The following DCC variants were observed in gnomAD, a reference collection of about 807,000 sequenced individuals.
DCC encodes the protein DCC netrin 1 receptor.
Under a neutral mutation model 172.5 loss-of-function variants are expected in DCC, and 58 were observed. The observed-to-expected ratio is 0.34, with a 90% CI of 0.27 to 0.42. The LOEUF (loss-of-function observed/expected upper bound fraction) is 0.42. Among genes scored for constraint, DCC ranks in the 10% least tolerant of loss-of-function variants. The pLI is 1.00. For synonymous variants in DCC, 709 were observed against 644.5 expected (o/e 1.10, Z -1.52); for missense variants, 1,740 against 1,791.0 (o/e 0.97, Z 0.51).
chr18:52,660,499 C>T (rs2035339739), intron 1 of DCC, among the ~76,000 whole-genome samples: 1 of 152,038 alleles, frequency 6.6e-6, no homozygotes, highest in Admixed American at 6.6e-5. Context: ...GTTTACTGTG[C>T]CTTGAAAAGT....
rs2038216452 is a variant in DCC, at chr18:52,812,287, G to A, written c.412+59913G>A. ...ATTAAATTTTGTAAGATCTTTCTTA[G>A]AATGTTATTTTCCCTTTCCAATGAT... On this transcript the variant is annotated intron_variant, in intron 2 of 28. Transcript: ENST00000442544. 2.0e-5 allele frequency among the ~76,000 whole-genome samples: 3 copies of A among 152,070 alleles called. No individual in the cohort carries two copies. In the South Asian group the frequency reaches 6.2e-4, roughly 32 times the overall value.
chr18:52,728,022 G>A (rs887198933), intron 1 of DCC, among the ~76,000 whole-genome samples: 5 of 152,024 alleles, frequency 3.3e-5, no homozygotes, highest in Admixed American at 6.6e-5. Flanking sequence ...TTCACCTAAC[G>A]ATAAACAAAT....
chr18:53,349,542 A>T (rs1220812439), intron 15 of DCC, among the ~76,000 whole-genome samples: 1 of 152,152 alleles, frequency 6.6e-6, no homozygotes, highest in African/African-American at 2.4e-5. Context: ...GTCTATTTTC[A>T]CACTGCTTGT....
chr18:52,577,563 T>C (rs2033443628), intron 1 of DCC, among the ~76,000 whole-genome samples: 1 of 152,230 alleles, frequency 6.6e-6, no homozygotes, highest in East Asian at 1.9e-4. Flanking sequence ...AAACCTTTAT[T>C]CCCTTCAAAT....
intron 8 of DCC, among the ~76,000 whole-genome samples, chr18:53,164,674 G>A (rs1010843339): frequency 1.3e-5 from 2 of 152,162 alleles, no homozygotes; most frequent in African/African-American, 4.8e-5. Context: ...TTAAATAAAA[G>A]CACCTAAAAC....
chr18:52,501,566 G>T (rs1205436467), intron 1 of DCC, among the ~76,000 whole-genome samples: 3 of 152,068 alleles, frequency 2.0e-5, no homozygotes, highest in Non-Finnish European at 4.4e-5. Context: ...ATCAGTGTTG[G>T]GTCAGTGCTT....
intron 1 of DCC, among the ~76,000 whole-genome samples, chr18:52,542,711 T>C (rs2032495670): frequency 6.6e-6 from 1 of 152,006 alleles, no homozygotes; most frequent in African/African-American, 2.4e-5. Flanking sequence ...TGGTGGTGCA[T>C]GCCTGTAATC....
intron 15 of DCC, among the ~76,000 whole-genome samples, chr18:53,344,783 G>C (rs750372889): frequency 6.6e-5 from 10 of 151,138 alleles, no homozygotes; most frequent in African/African-American, 9.7e-5. Flanking sequence ...GTCTGATATT[G>C]CATATTGCAG....
chr18:52,799,417 A>T (rs943062952), intron 2 of DCC, among the ~76,000 whole-genome samples: 1 of 152,218 alleles, frequency 6.6e-6, no homozygotes, highest in African/African-American at 2.4e-5. Context: ...TATACATGTA[A>T]CAAGGAAGCA....
chr18:52,880,737 C>T lies in DCC; in HGVS notation c.413-25307C>T, dbSNP rs117829391. On this transcript the variant is annotated intron_variant, in intron 2 of 28. Coordinates refer to ENST00000442544, the MANE Select transcript of DCC (RefSeq NM_005215.4). ...ATAGTACTCCATTATGCATATGTAC[C>T]ACATTCTCTTTATTCATTCATCTGT... is the stretch of plus-strand genomic sequence containing the variant. 3.9e-4 allele frequency among the ~76,000 whole-genome samples: 60 copies of T among 152,230 alleles called. No homozygotes were observed. In the East Asian group the frequency reaches 0.011, roughly 27 times the overall value.
chr18:52,619,510 T>C (rs1423791441), intron 1 of DCC, among the ~76,000 whole-genome samples: 1 of 152,222 alleles, frequency 6.6e-6, no homozygotes, highest in African/African-American at 2.4e-5. Context: ...GAGTTCATGG[T>C]GTTTGAAACA....
At chr18:52,741,063 C>T (rs1003178192) in intron 1 of DCC, among the ~76,000 whole-genome samples, 1 of 152,134 alleles carries the variant, frequency 6.6e-6, no homozygotes, top group Non-Finnish European at 1.5e-5. Context: ...GTCTCCTGAC[C>T]CTTGTGCTGG....
At chr18:53,102,250 G>A (rs1598803551) in intron 7 of DCC, among the ~76,000 whole-genome samples, 2 of 152,042 alleles carry the variant, frequency 1.3e-5, no homozygotes, top group African/African-American at 2.4e-5. Flanking sequence ...CTACTATTTC[G>A]TGACTACTTG....
At chr18:53,481,582 A>C (rs2045832519) in intron 25 of DCC, among the ~76,000 whole-genome samples, 1 of 152,174 alleles carries the variant, frequency 6.6e-6, no homozygotes, top group Non-Finnish European at 1.5e-5. Flanking sequence ...AGAAGATAAA[A>C]AGAGGCAGAA....
chr18:52,572,995 C>G (rs1360516553), intron 1 of DCC, among the ~76,000 whole-genome samples: 2 of 152,078 alleles, frequency 1.3e-5, no homozygotes, highest in East Asian at 1.9e-4. Context: ...GCCAGAAAAC[C>G]TATTAAGCAC....
intron 1 of DCC, among the ~76,000 whole-genome samples, chr18:52,599,807 C>A (rs1487461501): frequency 6.6e-6 from 1 of 152,082 alleles, no homozygotes. Flanking sequence ...AGCCACCGCG[C>A]CCGGCCTGTC....
chr18:53,007,242 T>C (rs1208178809), intron 5 of DCC, among the ~76,000 whole-genome samples: 1 of 152,166 alleles, frequency 6.6e-6, no homozygotes, highest in Non-Finnish European at 1.5e-5. Flanking sequence ...TAGGGCTGTG[T>C]GGTTGGTTAC....
chr18:53,271,370 C>T (rs1206828181), intron 12 of DCC, among the ~76,000 whole-genome samples: 1 of 152,178 alleles, frequency 6.6e-6, no homozygotes, highest in Non-Finnish European at 1.5e-5. Flanking sequence ...AACAAATATA[C>T]ATCATCTGCC....
At chr18:52,866,871 T>A (rs1264073451) in intron 2 of DCC, among the ~76,000 whole-genome samples, 1 of 152,196 alleles carries the variant, frequency 6.6e-6, no homozygotes, top group Non-Finnish European at 1.5e-5. Context: ...TACCCTTTAT[T>A]TTTTTCTCTT....
Sources: gnomAD v4.1 joint callset for allele counts (sites outside exome capture counted in the v4.1 genomes callset) on GRCh38, gnomAD v4.1.1 for gene constraint, MANE v1.5 for transcripts, NCBI Gene and HGNC (gene_info 2026-07-23, HGNC 2026-07-21) for gene names.